The following CCDC85A variants were observed in gnomAD, a reference collection of about 807,000 sequenced individuals.
CCDC85A encodes coiled-coil domain-containing protein 85A.
Under a neutral mutation model 50.2 loss-of-function variants are expected in CCDC85A, and 38 were observed. The observed-to-expected ratio is 0.76, with a 90% CI of 0.58 to 0.99. CCDC85A has a LOEUF of 0.99. CCDC85A is among the 50% of genes least tolerant of loss of function. The pLI is 0.00. For synonymous variants in CCDC85A, 366 were observed against 301.4 expected (o/e 1.21, Z -2.22); for missense variants, 820 against 742.0 (o/e 1.11, Z -1.22).
In CCDC85A at chr2:56,385,256, T is replaced by A. The variant is rs897874091; in HGVS notation, c.*901T>A. ...CATGCTGTATATTTAATAAACTTTATGTAAACTTTAAAATATTGCACTGCA... is the reference window on the plus strand; with the variant it reads ...CATGCTGTATATTTAATAAACTTTAAGTAAACTTTAAAATATTGCACTGCA... On this transcript the variant is annotated 3_prime_UTR_variant, in exon 6 of 6. Coordinates refer to ENST00000407595, the MANE Select transcript of CCDC85A (RefSeq NM_001080433.2). 2.0e-5 allele frequency: 3 copies of A among 152,308 alleles called. No homozygotes were observed. The highest frequency in any genetic ancestry group is 7.2e-5 in the African/African-American group (3 of 41,426). The allele number at this position is 152,308 out of a possible 1,614,324, so 9.4% of individuals were successfully genotyped here.
At chr2:56,191,419 T>A (rs1389522166) in intron 1 of CCDC85A, among the ~76,000 whole-genome samples, 1 of 152,206 alleles carries the variant, frequency 6.6e-6, no homozygotes, top group Non-Finnish European at 1.5e-5. Context: ...AAGTGAATCA[T>A]CACTCATGCA....
chr2:56,261,875 G>C (rs894592262), intron 2 of CCDC85A, among the ~76,000 whole-genome samples: 2 of 152,062 alleles, frequency 1.3e-5, no homozygotes, highest in African/African-American at 4.8e-5. Flanking sequence ...ATGCACTTTA[G>C]CTCTCAACTG....
In CCDC85A at chr2:56,359,641, A is replaced by C. The variant is rs552142366; in HGVS notation, c.1318-12703A>C. On this transcript the variant is annotated intron_variant, in intron 3 of 5. Coordinates refer to ENST00000407595, the MANE Select transcript of CCDC85A (RefSeq NM_001080433.2). Reference sequence around the variant, plus strand: ...TAAATCTATGTTTATCGATGGATGAAGAAAACCATTTCTGGCTAAGGAGGA... The same window carrying C: ...TAAATCTATGTTTATCGATGGATGACGAAAACCATTTCTGGCTAAGGAGGA... Among the ~76,000 whole-genome samples the C allele has an allele frequency of 4.6e-5, 7 of 152,348 alleles. No homozygotes were observed. The South Asian group carries it at 1.4e-3, about 32-fold the overall frequency.
chr2:56,325,684 A>C (rs1208788445), intron 2 of CCDC85A, among the ~76,000 whole-genome samples: 1 of 152,016 alleles, frequency 6.6e-6, no homozygotes, highest in Admixed American at 6.6e-5. Context: ...GCCAGAAGAA[A>C]CTGCACTTTG....
At chr2:56,272,254 A>C (rs1041490996) in intron 2 of CCDC85A, among the ~76,000 whole-genome samples, 1 of 152,166 alleles carries the variant, frequency 6.6e-6, no homozygotes, top group Non-Finnish European at 1.5e-5. Flanking sequence ...AAAAAGCAGA[A>C]AGAGGAGTGG....
chr2:56,213,248 T>G (rs1677254107), intron 2 of CCDC85A, among the ~76,000 whole-genome samples: 1 of 152,008 alleles, frequency 6.6e-6, no homozygotes, highest in Non-Finnish European at 1.5e-5. Context: ...AGAAGAAATA[T>G]GCACTTAAAC....
intron 3 of CCDC85A, among the ~76,000 whole-genome samples, chr2:56,362,781 G>C (rs1675596699): frequency 2.0e-5 from 3 of 151,960 alleles, no homozygotes; most frequent in Admixed American, 2.0e-4. Flanking sequence ...ACCACACCCG[G>C]CTAATTTTTT....
In CCDC85A at chr2:56,193,116, C is replaced by G. The variant is rs1401756176; in HGVS notation, c.916C>G (p.Pro306Ala). The G allele has an allele frequency of 2.5e-6, 4 of 1,613,664 alleles. No homozygotes were observed. The African/African-American group carries it at 5.3e-5, about 22-fold the overall frequency. The part of the protein sequence containing the change: ...PHPGSSPETL[P>A]KHVLSGSPEH... Reference sequence around the variant, plus strand: ...TCCAGGGAGCAGCCCCGAAACGCTGCCCAAGCACGTGCTGAGTGGGAGCCC... The same window carrying G: ...TCCAGGGAGCAGCCCCGAAACGCTGGCCAAGCACGTGCTGAGTGGGAGCCC... Residue 306 changes from proline to alanine, a missense_variant, in exon 2 of 6, where the codon CCC becomes GCC. By Grantham distance (27) the Pro-to-Ala change is conservative (BLOSUM62 -1). Coordinates refer to ENST00000407595, the MANE Select transcript of CCDC85A (RefSeq NM_001080433.2).
At chr2:56,294,750 T>A (rs956405953) in intron 2 of CCDC85A, among the ~76,000 whole-genome samples, 1 of 152,230 alleles carries the variant, frequency 6.6e-6, no homozygotes, top group Non-Finnish European at 1.5e-5. Flanking sequence ...TCTGGGTTGC[T>A]GGATTGCAGA....
intron 2 of CCDC85A, among the ~76,000 whole-genome samples, chr2:56,216,551 C>G (rs1156831572): frequency 6.6e-6 from 1 of 151,682 alleles, no homozygotes; most frequent in Admixed American, 6.6e-5. Context: ...TACCGATTAT[C>G]TATGTTTGTT....
intron 2 of CCDC85A, among the ~76,000 whole-genome samples, chr2:56,214,166 G>T (rs972855800): frequency 1.3e-5 from 2 of 151,932 alleles, no homozygotes; most frequent in African/African-American, 4.8e-5. Context: ...GACAAGGTTT[G>T]AATCCTAGCT....
At chr2:56,279,316 G>A (rs1487151058) in intron 2 of CCDC85A, among the ~76,000 whole-genome samples, 1 of 152,028 alleles carries the variant, frequency 6.6e-6, no homozygotes, top group Non-Finnish European at 1.5e-5. Flanking sequence ...TAATCCAATG[G>A]TTTTCAGTTT....
chr2:56,188,106 G>A (rs553124893), intron 1 of CCDC85A, among the ~76,000 whole-genome samples: 1 of 152,290 alleles, frequency 6.6e-6, no homozygotes, highest in East Asian at 1.9e-4. Context: ...CCTTTTAAAA[G>A]TCCACTTAGA....
At chr2:56,349,219 T>A (rs1045311102) in intron 3 of CCDC85A, among the ~76,000 whole-genome samples, 1 of 152,124 alleles carries the variant, frequency 6.6e-6, no homozygotes, top group African/African-American at 2.4e-5. Context: ...GGAGTCATAC[T>A]TGGGAAAAAA....
chr2:56,190,736 C>T (rs189747535), intron 1 of CCDC85A, among the ~76,000 whole-genome samples: 1 of 152,256 alleles, frequency 6.6e-6, no homozygotes, highest in East Asian at 1.9e-4. Context: ...ACTGCTACCA[C>T]ACGTCCAAGC....
chr2:56,355,148 C>G (rs889090330), intron 3 of CCDC85A, among the ~76,000 whole-genome samples: 2 of 152,168 alleles, frequency 1.3e-5, no homozygotes, highest in African/African-American at 4.8e-5. Context: ...TCTGGCCATT[C>G]CCCACGGCTC....
At chr2:56,292,227 C>G (rs374187932) in intron 2 of CCDC85A, among the ~76,000 whole-genome samples, 110 of 152,198 alleles carry the variant, frequency 7.2e-4, no homozygotes, top group African/African-American at 2.5e-3. Context: ...GGACTACAGG[C>G]AACCACTACC....
chr2:56,340,624 C>G (rs946397787), intron 2 of CCDC85A, among the ~76,000 whole-genome samples: 2 of 152,008 alleles, frequency 1.3e-5, no homozygotes, highest in Non-Finnish European at 2.9e-5. Context: ...GCCTGTAATC[C>G]CAGCACTTTG....
At chr2:56,322,127 T>C (rs9660021) in intron 2 of CCDC85A, among the ~76,000 whole-genome samples, 1 of 152,122 alleles carries the variant, frequency 6.6e-6, no homozygotes, top group Non-Finnish European at 1.5e-5. Context: ...CCTTACACCT[T>C]ATACAAAAAT....
Sources: gnomAD v4.1 joint callset for allele counts (sites outside exome capture counted in the v4.1 genomes callset) on GRCh38, gnomAD v4.1.1 for gene constraint, MANE v1.5 for transcripts, NCBI Gene and HGNC (gene_info 2026-07-23, HGNC 2026-07-21) for gene names.